Variants in MCPH1 observed in about 807,000 individuals in gnomAD.
MCPH1 encodes the protein microcephalin.
In MCPH1, 104 loss-of-function variants were observed where a neutral mutation model predicts 84.5. The observed-to-expected ratio is 1.23, with a 90% CI of 1.05 to 1.45. The LOEUF (loss-of-function observed/expected upper bound fraction) is 1.45, where lower values mean the gene tolerates loss of function less well. Among genes scored for constraint, MCPH1 ranks in the 40% most tolerant of loss-of-function variants. MCPH1 has a pLI of 0.00. For synonymous variants in MCPH1, 514 were observed against 366.8 expected, an observed-to-expected ratio of 1.40 and a Z score of -4.58; for missense variants, 1,498 against 1,005.7, an observed-to-expected ratio of 1.49 and a Z score of -6.62.
At chr8:6,527,500 T>C in intron 12 of MCPH1, 2 of 1,584,002 alleles carry the variant, frequency 1.3e-6, no homozygotes, top group Non-Finnish European at 1.7e-6. Context: ...AGACCGACTT[T>C]CATATCTGGA....
rs765710212 is a variant in MCPH1 at position 6,414,780 on chromosome 8, A to T, written c.130A>T (p.Asn44Tyr). The T allele has an allele frequency of 1.2e-6, 2 of 1,613,722 alleles. No individual in the cohort carries two copies. Among genetic ancestry groups the T allele is most frequent in the Non-Finnish European group, 1.7e-6 (2 of 1,179,858 alleles). ...DMGAKVSKTF[N>Y]KQVTHVIFKD... is the part of the protein sequence containing the mutation. ...TTGTCTACAGGTTTCAAAAACTTTT[A>T]ACAAACAAGTAACTCACGTTATCTT... Residue 44 changes from asparagine to tyrosine, a missense_variant, in exon 3 of 14, where the codon AAC becomes TAC. Coordinates refer to ENST00000344683, the MANE Select transcript of MCPH1 (RefSeq NM_024596.5).
intron 12 of MCPH1, among the ~76,000 whole-genome samples, chr8:6,612,212 A>G (rs945291368): frequency 2.0e-5 from 3 of 152,046 alleles, no homozygotes; most frequent in Non-Finnish European, 4.4e-5. Flanking sequence ...AACCAAATAC[A>G]TATTTCTCGT....
chr8:6,524,816 C>T (rs376552500), intron 12 of MCPH1, among the ~76,000 whole-genome samples: 1 of 152,188 alleles, frequency 6.6e-6, no homozygotes, highest in Admixed American at 6.5e-5. Context: ...ATATGAAGAT[C>T]ATGGTTTCAC....
chr8:6,475,200 C>T (rs1808290319), intron 9 of MCPH1, among the ~76,000 whole-genome samples: 1 of 152,240 alleles, frequency 6.6e-6, no homozygotes, highest in Admixed American at 6.5e-5. Flanking sequence ...TCCCCTGCCA[C>T]ACTGGGCTTC....
Position 6,445,464 on chromosome 8 carries a change from A to G in MCPH1, c.1742A>G (p.Glu581Gly), listed in dbSNP as rs35402812. 41 of 1,614,244 alleles carry G rather than the reference A, an allele frequency of 2.5e-5. 2 individuals are homozygous for G. The African/African-American group carries it at 4.8e-4, about 19-fold the overall frequency. Reference sequence around the variant, plus strand: ...TCCTCTGAAGGCGAAGCCCAGAGTGAACATGAGCCATGTTTTATAGTTGAC... The same window carrying G: ...TCCTCTGAAGGCGAAGCCCAGAGTGGACATGAGCCATGTTTTATAGTTGAC... ...SNSSEGEAQS[E>G]HEPCFIVDCN... The change falls in exon 8 of 14, where the codon GAA (glutamate) becomes GGA (glycine). Residue 581 changes from glutamate to glycine, a missense_variant. Coordinates refer to ENST00000344683, the MANE Select transcript of MCPH1 (RefSeq NM_024596.5).
At chr8:6,575,456 G>C (rs1040932094) in intron 12 of MCPH1, among the ~76,000 whole-genome samples, 14 of 152,198 alleles carry the variant, frequency 9.2e-5, no homozygotes, top group African/African-American at 3.1e-4. Flanking sequence ...TGATAAAGAA[G>C]ACCCAGGGTG....
intron 12 of MCPH1, among the ~76,000 whole-genome samples, chr8:6,596,357 GC>G (rs1210364928): frequency 6.6e-6 from 1 of 152,210 alleles, no homozygotes. Context: ...CTATGGCACA[GC>G]CCCCTGCCTG....
chr8:6,497,574 T>C (rs1038914614), intron 11 of MCPH1, among the ~76,000 whole-genome samples: 9 of 152,134 alleles, frequency 5.9e-5, no homozygotes, highest in African/African-American at 2.2e-4. Flanking sequence ...TACTCCATCA[T>C]AATATATGCT....
Position 6,582,265 on chromosome 8 carries a change from A to G in MCPH1, c.2215-39189A>G, listed in dbSNP as rs994002301. Among the ~76,000 whole-genome samples the G allele has an allele frequency of 2.0e-5, 3 of 152,212 alleles. No individual in the cohort carries two copies. In the South Asian group the frequency reaches 6.2e-4, roughly 32 times the overall value. Reference sequence around the variant, plus strand: ...CTTGCATACACAAAGTGCTCAATAAATGTTAACTGTTATTATGGTTGGGCA... The same window carrying G: ...CTTGCATACACAAAGTGCTCAATAAGTGTTAACTGTTATTATGGTTGGGCA... On this transcript the variant is annotated intron_variant, in intron 12 of 13. Transcript: ENST00000344683.
At position 6,444,418 on chromosome 8, in the gene MCPH1, C is replaced by T; in HGVS notation, c.696C>T (p.His232=). The T allele has an allele frequency of 6.2e-7, 1 of 1,614,168 alleles. No homozygotes were observed. Among genetic ancestry groups the T allele is most frequent in the Non-Finnish European group, 8.5e-7 (1 of 1,180,012 alleles). Residue 232 remains histidine, a synonymous_variant, in exon 8 of 14, where the codon CAC becomes CAT. Transcript: ENST00000344683. ...ATGAATACTTTGCTGGTGGCTTACA[C>T]TCATCTTTTGATGATCTTTGTGGAA... The part of the protein sequence containing the change: ...CSDEYFAGGL[H]SSFDDLCGNS...
At chr8:6,576,984 C>G (rs781416533) in intron 12 of MCPH1, among the ~76,000 whole-genome samples, 8 of 152,076 alleles carry the variant, frequency 5.3e-5, no homozygotes, top group Non-Finnish European at 1.0e-4. Context: ...CTGCGGAATT[C>G]CTTCTCCCTG....
chr8:6,613,610 G>A (rs1830497758), intron 12 of MCPH1, among the ~76,000 whole-genome samples: 1 of 151,978 alleles, frequency 6.6e-6, no homozygotes, highest in Non-Finnish European at 1.5e-5. Flanking sequence ...GGGGAGACAG[G>A]AGCCCAAGGG....
rs369802722 is a variant in MCPH1, at chr8:6,621,550, C to G, written c.2311C>G (p.Pro771Ala). The G allele has an allele frequency of 1.9e-5, 31 of 1,614,102 alleles. No individual in the cohort carries two copies. The African/African-American group carries it at 3.9e-4, about 20-fold the overall frequency. The change falls in exon 13 of 14, where the codon CCA (proline) becomes GCA (alanine). Residue 771 changes from proline to alanine, a missense_variant. Physicochemically the swap from Pro to Ala is conservative, Grantham distance 27. Transcript: ENST00000344683. ...GTTTGTCTCGCCTGCCAGCAGCCCC[C>G]CAGTGGCCAAGCTCTGTGAACTAGT... ...AMFVSPASSP[P>A]VAKLCELVHL...
At chr8:6,560,310 G>C (rs1825328840) in intron 12 of MCPH1, among the ~76,000 whole-genome samples, 1 of 152,116 alleles carries the variant, frequency 6.6e-6, no homozygotes, top group Non-Finnish European at 1.5e-5. Flanking sequence ...TTAAATCAGT[G>C]GGTGTTAGGT....
In MCPH1 at chr8:6,565,612, T is replaced by A. The variant is rs117587871; in HGVS notation, c.2215-55842T>A. Among the ~76,000 whole-genome samples the A allele has an allele frequency of 7.9e-5, 12 of 152,214 alleles. No individual in the cohort carries two copies. In the East Asian group the frequency reaches 1.9e-3, roughly 24 times the overall value. On this transcript the variant is annotated intron_variant, in intron 12 of 13. Transcript: ENST00000344683. ...GTTGTCTTCCAGGCAAATAGAGTAG[T>A]TTAAAAGGAACAAATAGAAAGAGGG...
At chr8:6,591,701 G>T (rs957812086) in intron 12 of MCPH1, among the ~76,000 whole-genome samples, 2 of 152,184 alleles carry the variant, frequency 1.3e-5, no homozygotes, top group Non-Finnish European at 2.9e-5. Flanking sequence ...TATTGGTAAA[G>T]TGGGAAGGTA....
At chr8:6,430,812 G>C (rs563272419) in intron 3 of MCPH1, among the ~76,000 whole-genome samples, 2 of 152,300 alleles carry the variant, frequency 1.3e-5, no homozygotes, top group South Asian at 4.1e-4. Context: ...TAATATTTCA[G>C]GAATGTATGA....
At chr8:6,429,920 A>G (rs1585706699) in intron 3 of MCPH1, among the ~76,000 whole-genome samples, 2 of 152,320 alleles carry the variant, frequency 1.3e-5, no homozygotes, top group East Asian at 1.9e-4. Context: ...TAGCTTAGAA[A>G]GTACAACCCT....
intron 8 of MCPH1, 77 bp from the exon 9 acceptor site, chr8:6,455,066 A>G (rs989012115): frequency 2.9e-5 from 31 of 1,060,834 alleles, no homozygotes; most frequent in Non-Finnish European, 3.0e-5. Flanking sequence ...TTATGCATAA[A>G]TGTGATTTTT....
Sources: gnomAD v4.1 joint callset for allele counts (sites outside exome capture counted in the v4.1 genomes callset) on GRCh38, gnomAD v4.1.1 for gene constraint, MANE v1.5 for transcripts, NCBI Gene and HGNC (gene_info 2026-07-23, HGNC 2026-07-21) for gene names.